DIP2C: variants seen among roughly 807,000 people sequenced by gnomAD.
The protein encoded by DIP2C is DIP2 acetate--CoA ligase C (putative).
DIP2C carries 33 observed loss-of-function variants against 192.4 expected under a neutral mutation model. The observed-to-expected ratio is 0.17, with a 90% CI of 0.13 to 0.23. The LOEUF (loss-of-function observed/expected upper bound fraction) is 0.23, where lower values mean the gene tolerates loss of function less well. DIP2C is among the 10% of genes least tolerant of loss of function. DIP2C has a pLI of 1.00. For synonymous variants in DIP2C, 979 were observed against 864.1 expected (o/e 1.13, Z -2.33); for missense variants, 1,537 against 2,110.1 (o/e 0.73, Z 5.32).
intron 36 of DIP2C, among the ~76,000 whole-genome samples, chr10:277,870 G>A (rs1043497611): frequency 2.0e-5 from 3 of 152,238 alleles, no homozygotes; most frequent in African/African-American, 4.8e-5. Context: ...CCTGGCCAGC[G>A]GAGTCTGTGT....
intron 1 of DIP2C, among the ~76,000 whole-genome samples, chr10:589,772 T>C (rs1019545090): frequency 1.3e-5 from 2 of 152,202 alleles, no homozygotes; most frequent in Non-Finnish European, 2.9e-5. Flanking sequence ...GTAGAGGCAC[T>C]GCCCTATGCA....
intron 1 of DIP2C, among the ~76,000 whole-genome samples, chr10:588,458 G>T (rs984298309): frequency 6.6e-6 from 1 of 152,254 alleles, no homozygotes; most frequent in African/African-American, 2.4e-5. Flanking sequence ...ACTGGGTGAG[G>T]TGAGCACTCA....
rs561169324 is a variant in DIP2C, at chr10:666,988, A to G, written c.85+22506T>C. 3 of 152,428 alleles carry G rather than the reference A, an allele frequency of 2.0e-5. No individual in the cohort carries two copies. The East Asian group carries it at 5.8e-4, about 29-fold the overall frequency. The allele number at this position is 152,428 out of a possible 1,614,324, so 9.4% of individuals were successfully genotyped here. ...AATCATAACAGACATTCACAGCAACACCACGAAAAAGAAACTACTGCTCTG... is the reference window on the plus strand; with the variant it reads ...AATCATAACAGACATTCACAGCAACGCCACGAAAAAGAAACTACTGCTCTG... On this transcript the variant is annotated intron_variant, in intron 1 of 36. Transcript: ENST00000280886. This position sits in a 1 kb window ranked among gnomAD's most constrained non-coding sequence, Gnocchi z 4.1.
At chr10:472,302 G>A (rs748591484) in intron 3 of DIP2C, 137 bp downstream of exon 3, 37 of 667,500 alleles carry the variant, frequency 5.5e-5, no homozygotes, top group Middle Eastern at 4.3e-4. Context: ...GGGTGTGTCC[G>A]TGCAGAAAGC....
At chr10:338,424 GTTTT>G (rs77305538) in intron 29 of DIP2C, among the ~76,000 whole-genome samples, 19 of 144,054 alleles carry the variant, frequency 1.3e-4, no homozygotes, top group East Asian at 1.2e-3. Context: ...GCCCTACACA[GTTTT>G]TTTTTTTTTT....
intron 1 of DIP2C, among the ~76,000 whole-genome samples, chr10:631,726 T>G (rs1854533102): frequency 6.6e-6 from 1 of 152,226 alleles, no homozygotes; most frequent in Admixed American, 6.5e-5. Flanking sequence ...AAACTAAGAC[T>G]GGAATGACAC....
intron 29 of DIP2C, among the ~76,000 whole-genome samples, chr10:330,642 C>T (rs1222461088): frequency 7.3e-6 from 1 of 137,206 alleles, no homozygotes; most frequent in South Asian, 2.5e-4. Context: ...GTGTGCACCA[C>T]CATGCTTGTT....
chr10:576,631 A>G (rs1854935711), intron 1 of DIP2C, among the ~76,000 whole-genome samples: 1 of 152,258 alleles, frequency 6.6e-6, no homozygotes, highest in Non-Finnish European at 1.5e-5. Context: ...AGATCAGGCC[A>G]GGGATGGTGG....
intron 31 of DIP2C, among the ~76,000 whole-genome samples, chr10:313,178 G>C (rs1454417985): frequency 1.3e-5 from 2 of 152,166 alleles, no homozygotes; most frequent in Non-Finnish European, 2.9e-5. Context: ...TATTGCCAAA[G>C]AATGCTAGCC....
intron 1 of DIP2C, among the ~76,000 whole-genome samples, chr10:540,869 G>C (rs1847944435): frequency 6.6e-6 from 1 of 152,208 alleles, no homozygotes; most frequent in Non-Finnish European, 1.5e-5. Context: ...CAAGGGTTTT[G>C]ATTATAGTAA....
At chr10:568,080 C>T (rs1404462708) in intron 1 of DIP2C, among the ~76,000 whole-genome samples, 1 of 152,198 alleles carries the variant, frequency 6.6e-6, no homozygotes, top group Non-Finnish European at 1.5e-5. Context: ...GCCACAGCTG[C>T]GTGAGCTGTC....
chr10:466,707 C>T (rs1014455557), intron 3 of DIP2C, among the ~76,000 whole-genome samples: 1 of 151,802 alleles, frequency 6.6e-6, no homozygotes, highest in Admixed American at 6.6e-5. Flanking sequence ...AAAACAACCC[C>T]ATCAAAAAGT....
chr10:684,289 T>TA (rs1373432464), intron 1 of DIP2C, among the ~76,000 whole-genome samples: 2 of 152,212 alleles, frequency 1.3e-5, no homozygotes, highest in Non-Finnish European at 2.9e-5. Context: ...ATCATGCAGG[T>TA]AGCCATCTCA....
chr10:511,050 T>C (rs1301621699), intron 1 of DIP2C, among the ~76,000 whole-genome samples: 1 of 152,222 alleles, frequency 6.6e-6, no homozygotes, highest in Non-Finnish European at 1.5e-5. Context: ...GTTCAAGAGG[T>C]TTAAGACACA....
intron 1 of DIP2C, among the ~76,000 whole-genome samples, chr10:520,269 C>CTCAGAA (rs1425876560): frequency 1.1e-4 from 16 of 152,122 alleles, no homozygotes; most frequent in African/African-American, 3.9e-4. Flanking sequence ...TGGGCAGAAC[C>CTCAGAA]TCAGAACCAG....
At chr10:617,255 CTT>C (rs1457038123) in intron 1 of DIP2C, among the ~76,000 whole-genome samples, 1 of 147,180 alleles carries the variant, frequency 6.8e-6, no homozygotes, top group Non-Finnish European at 1.5e-5. Context: ...TCTCTACAAA[CTT>C]GGGGGACTGC....
chr10:435,025 G>C (rs1967063112), intron 4 of DIP2C, among the ~76,000 whole-genome samples: 1 of 152,232 alleles, frequency 6.6e-6, no homozygotes, highest in Middle Eastern at 3.4e-3. Context: ...TCTATGGTTT[G>C]GTGTCTGGCA....
chr10:491,603 C>T (rs1844452332), intron 1 of DIP2C, among the ~76,000 whole-genome samples: 1 of 152,196 alleles, frequency 6.6e-6, no homozygotes, highest in Non-Finnish European at 1.5e-5. Context: ...AGCAGGGTCC[C>T]CCATGGGCCA....
rs866521891 is a variant in DIP2C, at chr10:659,687, G to A, written c.85+29807C>T. ...TCAGCAAAGATATATATTTGACCTC[G>A]GAATGAATATACTCGTTCTTTTCGT... On this transcript the variant is annotated intron_variant, in intron 1 of 36. Transcript: ENST00000280886. Among the ~76,000 whole-genome samples, 9 of 152,202 alleles carry A rather than the reference G, an allele frequency of 5.9e-5. No homozygotes were observed. The East Asian group carries it at 7.7e-4, about 13-fold the overall frequency.
Sources: allele counts gnomAD v4.1 joint callset (sites outside exome capture counted in the v4.1 genomes callset), GRCh38; gene constraint gnomAD v4.1.1; non-coding constraint Gnocchi (gnomAD v3.1); transcripts MANE v1.5; gene names NCBI Gene and HGNC (gene_info 2026-07-23, HGNC 2026-07-21).